PSD2: variants seen among roughly 807,000 people sequenced by gnomAD.
The protein encoded by PSD2 is pleckstrin and Sec7 domain containing 2, also known as PH and SEC7 domain-containing protein 2.
In PSD2, 38 loss-of-function variants were observed where a neutral mutation model predicts 69.8. The ratio of observed to expected loss-of-function variants is 0.54; its 90% CI spans 0.42 to 0.71. PSD2 has a LOEUF of 0.71. PSD2 is among the 30% of genes least tolerant of loss of function. The pLI is 0.00. For synonymous variants in PSD2, 412 were observed against 423.0 expected, an observed-to-expected ratio of 0.97 and a Z score of 0.32; for missense variants, 943 against 1,014.5, an observed-to-expected ratio of 0.93 and a Z score of 0.96.
intron 2 of PSD2, among the ~76,000 whole-genome samples, chr5:139,810,671 A>G (rs1759934448): frequency 1.3e-5 from 2 of 152,066 alleles, no homozygotes; most frequent in Admixed American, 6.5e-5. Context: ...TTATGTAGGG[A>G]TAAGTGTCTC....
chr5:139,842,207 A>G (rs1760885984), intron 14 of PSD2, 64 bp from the exon 15 acceptor site: 3 of 1,367,538 alleles, frequency 2.2e-6, no homozygotes, highest in Non-Finnish European at 3.1e-6. Context: ...CTTTTGTCAT[A>G]TAAGGTGCAC....
chr5:139,838,700 C>T lies in PSD2; in HGVS notation c.1896C>T (p.Phe632=), dbSNP rs1324965969. 3.7e-6 allele frequency: 6 copies of T among 1,613,924 alleles called. No individual in the cohort carries two copies. Among genetic ancestry groups the T allele is most frequent in the Non-Finnish European group, 5.1e-6 (6 of 1,179,984 alleles). The stretch of plus-strand genomic sequence containing the variant: ...CAGCCATCTTCTCTGCCCCGGCCTT[C>T]CCAGCCGCTGTCAGCTCCATGAAGA... The part of the protein sequence containing the change: ...LVAAIFSAPA[F]PAAVSSMKKF... Residue 632 remains phenylalanine, a synonymous_variant, in exon 13 of 15, where the codon TTC becomes TTT. Transcript: ENST00000274710.
chr5:139,820,231 G>A (rs1026587810), intron 5 of PSD2, among the ~76,000 whole-genome samples: 5 of 152,154 alleles, frequency 3.3e-5, no homozygotes, highest in East Asian at 1.9e-4. Flanking sequence ...GGGAGTTTGG[G>A]CTGGGGAGTA....
rs934168284 is a variant in PSD2, at chr5:139,839,421, C to T, written c.1969-606C>T. ...TATGTGCACAAACCATACACATTCA[C>T]ATGTGTAAACACACAGGTGGTGACT... On this transcript the variant is annotated intron_variant, in intron 13 of 14. Coordinates refer to ENST00000274710, the MANE Select transcript of PSD2 (RefSeq NM_032289.4). This position sits in a 1 kb window ranked among gnomAD's most constrained non-coding sequence, Gnocchi z 5.1. Among the ~76,000 whole-genome samples, 1 of 152,266 alleles carries T rather than the reference C, an allele frequency of 6.6e-6. No individual in the cohort carries two copies. Among genetic ancestry groups the T allele is most frequent in the African/African-American group, 2.4e-5 (1 of 41,472 alleles).
At chr5:139,780,327 C>T in the PSD2 span, among the ~76,000 whole-genome samples, 1 of 152,222 alleles carries the variant, frequency 6.6e-6, no homozygotes, top group Admixed American at 6.5e-5. Context: ...TTCTCATGGA[C>T]AGATGAATGG....
At chr5:139,815,695 T>A (rs1470111504) in intron 4 of PSD2, among the ~76,000 whole-genome samples, 1 of 152,154 alleles carries the variant, frequency 6.6e-6, no homozygotes, top group East Asian at 1.9e-4. Flanking sequence ...ATTAAACTTT[T>A]TATTATGAAA....
the PSD2 span, among the ~76,000 whole-genome samples, chr5:139,766,698 C>A: frequency 1.3e-5 from 2 of 152,176 alleles, no homozygotes; most frequent in African/African-American, 4.8e-5. Context: ...CTCGCCATTG[C>A]CTGGCTGGGG....
intron 7 of PSD2, among the ~76,000 whole-genome samples, chr5:139,824,190 C>T (rs1479501659): frequency 6.6e-6 from 1 of 152,212 alleles, no homozygotes. Flanking sequence ...CTCCCTATGG[C>T]TAAGAACTGC....
At chr5:139,804,058 C>T (rs148921657) in intron 1 of PSD2, among the ~76,000 whole-genome samples, 9 of 152,304 alleles carry the variant, frequency 5.9e-5, no homozygotes, top group African/African-American at 2.2e-4. Context: ...GTGTGGGCAT[C>T]GCTGTTCAGG....
intron 8 of PSD2, among the ~76,000 whole-genome samples, chr5:139,834,331 C>T (rs555547616): frequency 1.3e-5 from 2 of 152,164 alleles, no homozygotes; most frequent in East Asian, 3.9e-4. Flanking sequence ...TGTCACCCAC[C>T]CTGGAGTGCA....
At chr5:139,764,617 G>A in the PSD2 span, among the ~76,000 whole-genome samples, 1 of 152,152 alleles carries the variant, frequency 6.6e-6, no homozygotes, top group African/African-American at 2.4e-5. Flanking sequence ...CTCCCCCGGC[G>A]CCCCGCAGTG....
chr5:139,749,498 C>CA, the PSD2 span, among the ~76,000 whole-genome samples: 135 of 152,346 alleles, frequency 8.9e-4, no homozygotes, highest in African/African-American at 3.2e-3. Flanking sequence ...CATCATCTCA[C>CA]CATGGATCCT....
chr5:139,809,340 C>G, intron 1 of PSD2, 51 bp from the exon 2 acceptor site: 1 of 1,428,904 alleles, frequency 7.0e-7, no homozygotes, highest in Non-Finnish European at 9.4e-7. Context: ...TTAGGTGCCC[C>G]CCAGCCCCAG....
the PSD2 span, among the ~76,000 whole-genome samples, chr5:139,764,467 C>T: frequency 1.3e-5 from 2 of 152,176 alleles, no homozygotes; most frequent in Non-Finnish European, 2.9e-5. Context: ...GGGGGTCTGG[C>T]GGCGCCGTGG....
intron 5 of PSD2, among the ~76,000 whole-genome samples, chr5:139,821,691 T>C (rs1360213146): frequency 6.6e-6 from 1 of 152,168 alleles, no homozygotes; most frequent in Non-Finnish European, 1.5e-5. Context: ...CTCTAAAGCT[T>C]ACCAGGTCCC....
At chr5:139,751,348 A>T in the PSD2 span, among the ~76,000 whole-genome samples, 2 of 152,090 alleles carry the variant, frequency 1.3e-5, no homozygotes, top group African/African-American at 4.8e-5. Flanking sequence ...CCCTACTTAG[A>T]TATTTCTTTG....
chr5:139,749,662 G>A, the PSD2 span, among the ~76,000 whole-genome samples: 142 of 152,286 alleles, frequency 9.3e-4, 1 homozygote, highest in African/African-American at 3.3e-3. Flanking sequence ...CCACATATTG[G>A]AGGAGTTGCT....
the PSD2 span, among the ~76,000 whole-genome samples, chr5:139,746,483 C>G: frequency 2.0e-5 from 3 of 152,222 alleles, no homozygotes; most frequent in African/African-American, 7.2e-5. This position sits in a 1 kb window ranked among gnomAD's most constrained non-coding sequence, Gnocchi z 4.5. Flanking sequence ...CGAATGGGAT[C>G]GCGCTGGGAC....
At chr5:139,799,326 C>T (rs996960276) in intron 1 of PSD2, among the ~76,000 whole-genome samples, 1 of 152,184 alleles carries the variant, frequency 6.6e-6, no homozygotes, top group Non-Finnish European at 1.5e-5. Context: ...GAGAAGCAGA[C>T]AGAAACTTTC....
Sources: gnomAD v4.1 joint callset for allele counts (sites outside exome capture counted in the v4.1 genomes callset) on GRCh38, gnomAD v4.1.1 for gene constraint, Gnocchi (gnomAD v3.1) non-coding constraint, MANE v1.5 for transcripts, NCBI Gene and HGNC (gene_info 2026-07-23, HGNC 2026-07-21) for gene names.